Variants in SCN2A observed in about 807,000 individuals in gnomAD.
The protein encoded by SCN2A is sodium channel protein type 2 subunit alpha.
A neutral mutation model predicts 188.7 loss-of-function variants in SCN2A; 20 were observed. The observed-to-expected ratio is 0.11, with a 90% confidence interval of 0.07 to 0.15. The LOEUF (loss-of-function observed/expected upper bound fraction) is 0.15. Among genes scored for constraint, SCN2A ranks in the 10% least tolerant of loss-of-function variants. The pLI, the probability that SCN2A is intolerant of heterozygous loss-of-function variation, is 1.00. For missense variants in SCN2A, 1,278 were observed against 2,445.0 expected, an observed-to-expected ratio of 0.52 and a Z score of 10.07; for synonymous variants, 804 against 833.1, an observed-to-expected ratio of 0.97 and a Z score of 0.60.
chr2:165,364,681 A>T (rs58382990), intron 17 of SCN2A, among the ~76,000 whole-genome samples: 3 of 152,216 alleles, frequency 2.0e-5, no homozygotes, highest in Non-Finnish European at 4.4e-5. Flanking sequence ...ATAAATTTAG[A>T]TGGTTGCTGT....
intron 1 of SCN2A, chr2:165,290,886 G>A (rs1696066176): frequency 3.4e-6 from 2 of 580,464 alleles, no homozygotes; most frequent in Non-Finnish European, 4.3e-6. Context: ...TCCAAAAGTG[G>A]AGGCACTGCA....
At chr2:165,290,961 C>T (rs1696069886) in intron 1 of SCN2A, among the ~76,000 whole-genome samples, 1 of 151,974 alleles carries the variant, frequency 6.6e-6, no homozygotes, top group South Asian at 2.1e-4. Context: ...TTAATTTCCC[C>T]CTTATTCCAG....
intron 1 of SCN2A, among the ~76,000 whole-genome samples, chr2:165,252,340 T>C (rs559220925): frequency 1.3e-5 from 2 of 152,228 alleles, no homozygotes; most frequent in East Asian, 3.9e-4. Context: ...AAATATATCA[T>C]ACAAGTTAAC....
chr2:165,248,027 T>C (rs1470603386), intron 1 of SCN2A, among the ~76,000 whole-genome samples: 1 of 152,064 alleles, frequency 6.6e-6, no homozygotes, highest in Non-Finnish European at 1.5e-5. Flanking sequence ...CCATGAGAAA[T>C]TCCTGTTGAT....
chr2:165,303,622 C>G (rs1189984784), intron 3 of SCN2A, among the ~76,000 whole-genome samples: 3 of 152,080 alleles, frequency 2.0e-5, no homozygotes, highest in Non-Finnish European at 2.9e-5. Flanking sequence ...AGTCACTCAC[C>G]AGAATCCAGG....
At chr2:165,309,156 A>G in intron 5 of SCN2A, 196 bp from the exon 6 acceptor site, 1 of 1,613,060 alleles carries the variant, frequency 6.2e-7, no homozygotes, top group Non-Finnish European at 8.5e-7. Context: ...CTCTGATTTA[A>G]TTCTACAGGT....
chr2:165,262,710 T>C (rs982405146), intron 1 of SCN2A, among the ~76,000 whole-genome samples: 2 of 152,164 alleles, frequency 1.3e-5, no homozygotes, highest in Admixed American at 1.3e-4. Context: ...GCTATAAACA[T>C]GCGTGTGCAA....
intron 1 of SCN2A, among the ~76,000 whole-genome samples, chr2:165,282,082 T>G (rs1695606839): frequency 6.6e-6 from 1 of 152,100 alleles, no homozygotes; most frequent in Non-Finnish European, 1.5e-5. Flanking sequence ...AAGATGTCTG[T>G]GTTCTGCTGC....
intron 14 of SCN2A, among the ~76,000 whole-genome samples, chr2:165,331,981 G>C (rs1484550227): frequency 6.6e-6 from 1 of 152,036 alleles, no homozygotes; most frequent in African/African-American, 2.4e-5. Flanking sequence ...ACTATGTAGG[G>C]AGGGGACATC....
intron 11 of SCN2A, among the ~76,000 whole-genome samples, chr2:165,318,351 T>C (rs1697876769): frequency 6.6e-6 from 1 of 152,226 alleles, no homozygotes; most frequent in Non-Finnish European, 1.5e-5. Context: ...CTGGATTTTT[T>C]TGAAACCTTT....
chr2:165,314,821 C>A (rs184201179), intron 10 of SCN2A, among the ~76,000 whole-genome samples: 11 of 152,214 alleles, frequency 7.2e-5, no homozygotes, highest in Admixed American at 6.5e-4. Context: ...ATACAATTCC[C>A]TTTTATTACC....
At position 165,375,904 on chromosome 2, in the gene SCN2A, T is replaced by C. The variant is rs551935916; in HGVS notation, c.4254+938T>C. Among the ~76,000 whole-genome samples, 6 of 152,000 alleles carry C rather than the reference T, an allele frequency of 3.9e-5. No homozygotes were observed. The East Asian group carries it at 7.7e-4, about 20-fold the overall frequency. On this transcript the variant is annotated intron_variant, in intron 22 of 26. Transcript: ENST00000375437. ...AGAAGAAGGAAATCCTGTCCTTTTA[T>C]ACAACATTGATTCACCTGGAGGAAA...
At chr2:165,244,069 C>T (rs1559311783) in intron 1 of SCN2A, among the ~76,000 whole-genome samples, 1 of 151,936 alleles carries the variant, frequency 6.6e-6, no homozygotes. Flanking sequence ...TGGTGAAAAC[C>T]TGTCTCTAGT....
At chr2:165,294,227 C>G (rs1485235777) in intron 1 of SCN2A, 2 of 533,176 alleles carry the variant, frequency 3.8e-6, no homozygotes, top group Non-Finnish European at 4.8e-6. Flanking sequence ...GCAGAGGGAC[C>G]ACTTTCATTT....
intron 1 of SCN2A, among the ~76,000 whole-genome samples, chr2:165,288,994 A>G (rs1695979594): frequency 6.6e-6 from 1 of 152,138 alleles, no homozygotes; most frequent in South Asian, 2.1e-4. Context: ...TTCCAGAAAA[A>G]AAGACTTTCC....
chr2:165,354,463 A>C lies in SCN2A; in HGVS notation c.3191A>C (p.Asp1064Ala). ...SNHTTIEIGK[D>A]LNYLKDGNGT... is the part of the protein sequence containing the mutation. ...CATACCACCATAGAAATAGGCAAAGACCTCAATTATCTCAAAGACGGAAAT... is the reference window on the plus strand; with the variant it reads ...CATACCACCATAGAAATAGGCAAAGCCCTCAATTATCTCAAAGACGGAAAT... Residue 1064 changes from aspartate (D) to alanine (A), a missense_variant, in exon 17 of 27, where the codon GAC becomes GCC. Transcript: ENST00000375437. 1 of 1,614,128 alleles carries C rather than the reference A, an allele frequency of 6.2e-7. No homozygotes were observed. The highest frequency in any genetic ancestry group is 8.5e-7 in the Non-Finnish European group (1 of 1,180,002).
At chr2:165,368,310 T>C (rs1700836566) in intron 19 of SCN2A, among the ~76,000 whole-genome samples, 1 of 152,188 alleles carries the variant, frequency 6.6e-6, no homozygotes, top group Non-Finnish European at 1.5e-5. Flanking sequence ...GTCTGCCTGC[T>C]GAGTTCTGGG....
chr2:165,273,443 T>G (rs1327690969), intron 1 of SCN2A: 4 of 152,180 alleles, frequency 2.6e-5, no homozygotes, highest in African/African-American at 7.2e-5. Flanking sequence ...TTGGTTATAG[T>G]GCCAACACAA....
chr2:165,261,863 A>G (rs1339974807), intron 1 of SCN2A, among the ~76,000 whole-genome samples: 2 of 152,178 alleles, frequency 1.3e-5, no homozygotes, highest in Non-Finnish European at 2.9e-5. Context: ...GGCTCTGGGT[A>G]TTGATTAATC....
Sources: gnomAD v4.1 joint callset for allele counts (sites outside exome capture counted in the v4.1 genomes callset) on GRCh38, gnomAD v4.1.1 for gene constraint, MANE v1.5 for transcripts, NCBI Gene and HGNC (gene_info 2026-07-23, HGNC 2026-07-21) for gene names.